Variants in PLCB4 observed in about 807,000 individuals in gnomAD.
PLCB4 encodes phospholipase C beta 4, also known as 1-phosphatidylinositol 4,5-bisphosphate phosphodiesterase beta-4.
Under a neutral mutation model 178.8 loss-of-function variants are expected in PLCB4, and 77 were observed. The observed-to-expected ratio is 0.43, with a 90% CI of 0.36 to 0.52. The LOEUF is 0.52. PLCB4 is among the 20% of genes least tolerant of loss of function. The pLI, the probability that PLCB4 is intolerant of heterozygous loss-of-function variation, is 0.00. For missense variants in PLCB4, 1,024 were observed against 1,453.4 expected, an observed-to-expected ratio of 0.70 and a Z score of 4.80; for synonymous variants, 496 against 490.8, an observed-to-expected ratio of 1.01 and a Z score of -0.14.
intron 2 of PLCB4, among the ~76,000 whole-genome samples, chr20:9,108,525 A>G (rs1434226395): frequency 6.6e-6 from 1 of 152,102 alleles, no homozygotes; most frequent in African/African-American, 2.4e-5. Context: ...CAAAAGTTGG[A>G]TCAGCACAAC....
At chr20:9,271,116 C>T (rs2094398483) in intron 3 of PLCB4, among the ~76,000 whole-genome samples, 1 of 152,224 alleles carries the variant, frequency 6.6e-6, no homozygotes, top group South Asian at 2.1e-4. Context: ...ATGTAATTTC[C>T]AGCTGTGGAT....
intron 32 of PLCB4, among the ~76,000 whole-genome samples, chr20:9,451,349 T>G (rs573595122): frequency 1.3e-5 from 2 of 152,330 alleles, no homozygotes; most frequent in Non-Finnish European, 1.5e-5. Flanking sequence ...CACTAAAATA[T>G]TTAAAGAAAT....
chr20:9,153,684 G>A (rs1443146787), intron 2 of PLCB4, among the ~76,000 whole-genome samples: 3 of 152,142 alleles, frequency 2.0e-5, no homozygotes, highest in East Asian at 1.9e-4. Context: ...GGAGCCACAA[G>A]GGAAAGTCAA....
chr20:9,424,162 A>G (rs2040835633), intron 28 of PLCB4, among the ~76,000 whole-genome samples: 1 of 152,236 alleles, frequency 6.6e-6, no homozygotes, highest in Non-Finnish European at 1.5e-5. Flanking sequence ...GATGATCTCT[A>G]AAGTCCTTTC....
At chr20:9,411,264 C>T (rs551889677) in intron 25 of PLCB4, among the ~76,000 whole-genome samples, 176 bp downstream of exon 25, 1 of 152,286 alleles carries the variant, frequency 6.6e-6, no homozygotes, top group African/African-American at 2.4e-5. Context: ...TTCATCTACC[C>T]CATTTTACTA....
chr20:9,300,291 T>C (rs1392560279), intron 3 of PLCB4, among the ~76,000 whole-genome samples: 1 of 152,110 alleles, frequency 6.6e-6, no homozygotes, highest in Non-Finnish European at 1.5e-5. Context: ...GGTTATTTGG[T>C]TTAATGGGAT....
At chr20:9,144,781 G>T (rs1189141144) in intron 2 of PLCB4, among the ~76,000 whole-genome samples, 2 of 141,064 alleles carry the variant, frequency 1.4e-5, no homozygotes, top group Non-Finnish European at 3.1e-5. Flanking sequence ...ATGAGGGGGA[G>T]GAGGGGTAGG....
At chr20:9,198,979 A>G (rs1445063740) in intron 2 of PLCB4, among the ~76,000 whole-genome samples, 1 of 152,184 alleles carries the variant, frequency 6.6e-6, no homozygotes, top group African/African-American at 2.4e-5. Context: ...TGAGAGGGAT[A>G]TCACATGGCT....
At chr20:9,453,979 A>G (rs189543924) in intron 33 of PLCB4, among the ~76,000 whole-genome samples, 20 of 152,306 alleles carry the variant, frequency 1.3e-4, no homozygotes, top group Admixed American at 3.9e-4. Context: ...ACATTTTACC[A>G]GTTTTTCCAC....
intron 3 of PLCB4, among the ~76,000 whole-genome samples, chr20:9,284,205 G>A (rs1205721087): frequency 2.0e-5 from 3 of 151,958 alleles, no homozygotes; most frequent in African/African-American, 7.2e-5. Flanking sequence ...TGTTCTGAGT[G>A]GCCAGGAAAA....
chr20:9,336,667 A>G (rs777393394), intron 4 of PLCB4, among the ~76,000 whole-genome samples: 2 of 151,966 alleles, frequency 1.3e-5, no homozygotes, highest in Non-Finnish European at 2.9e-5. Flanking sequence ...TTTACAGGAC[A>G]CCAAATGAGG....
At chr20:9,309,608 A>T (rs906331228) in intron 4 of PLCB4, among the ~76,000 whole-genome samples, 1 of 152,228 alleles carries the variant, frequency 6.6e-6, no homozygotes, top group African/African-American at 2.4e-5. Context: ...GATGTCTAGC[A>T]TCTAAAATGA....
chr20:9,355,077 T>A (rs2034675480), intron 7 of PLCB4, among the ~76,000 whole-genome samples: 1 of 152,156 alleles, frequency 6.6e-6, no homozygotes, highest in African/African-American at 2.4e-5. Flanking sequence ...CCCCAGGTGA[T>A]TCTAATGTAC....
At position 9,339,169 on chromosome 20, in the gene PLCB4, T is replaced by A. The variant is rs1170058906; in HGVS notation, c.369+132T>A. 2.7e-5 allele frequency: 20 copies of A among 745,892 alleles called. No homozygotes were observed. In the East Asian group the frequency reaches 5.3e-4, roughly 20 times the overall value. 46.2% of individuals were successfully genotyped at this position (745,892 alleles called of 1,614,324 possible). On this transcript the variant is annotated intron_variant, in intron 7 of 39. Transcript: ENST00000378473. Reference sequence around the variant, plus strand: ...AAAAGTTAGCATTGCTTTGCTGACATGTTTCTGTAGAAAATCAGCAATTAA... The same window carrying A: ...AAAAGTTAGCATTGCTTTGCTGACAAGTTTCTGTAGAAAATCAGCAATTAA...
chr20:9,349,634 A>G (rs528981201), intron 7 of PLCB4, among the ~76,000 whole-genome samples: 13 of 152,302 alleles, frequency 8.5e-5, no homozygotes, highest in African/African-American at 2.6e-4. Flanking sequence ...GACAGGTTTC[A>G]TAAGAAGAGA....
intron 4 of PLCB4, among the ~76,000 whole-genome samples, chr20:9,308,668 C>A (rs776444685): frequency 3.3e-5 from 5 of 152,174 alleles, no homozygotes; most frequent in African/African-American, 4.8e-5. Flanking sequence ...ATTCGCTGAT[C>A]TTCCCAGAGA....
rs187794237 is a variant in PLCB4, at chr20:9,452,116, T to A, written c.2881-1231T>A. Among the ~76,000 whole-genome samples the A allele has an allele frequency of 1.4e-4, 22 of 152,328 alleles. No individual in the cohort carries two copies. In the East Asian group the frequency reaches 3.7e-3, roughly 25 times the overall value. ...CCACTCCTTCTCCTAAAGACAAGAA[T>A]GCTGAGGCCTTGTGCATGAATGCGT... is the stretch of plus-strand genomic sequence containing the variant. On this transcript the variant is annotated intron_variant, in intron 32 of 39. Coordinates refer to ENST00000378473, the MANE Select transcript of PLCB4 (RefSeq NM_001377142.1).
Position 9,408,704 on chromosome 20 carries a change from A to G in PLCB4, c.1861A>G (p.Ile621Val), listed in dbSNP as rs746910509. Residue 621 changes from isoleucine (I) to valine (V), a missense_variant, in exon 23 of 40, where the codon ATT becomes GTT. Physicochemically the swap from Ile to Val is conservative, Grantham distance 29. Transcript: ENST00000378473. ...TCTTGGCTACTTGAAGACACATGCA[A>G]TTGAATTTGTCAAGTATCCTTATGT... ...VGLGYLKTHA[I>V]EFVNYNKRQM... The G allele has an allele frequency of 7.7e-6, 12 of 1,559,884 alleles. No homozygotes were observed. Among genetic ancestry groups the G allele is most frequent in the Admixed American group, 1.7e-5 (1 of 59,936 alleles).
intron 1 of PLCB4, among the ~76,000 whole-genome samples, chr20:9,089,363 A>G (rs1370763687): frequency 6.6e-6 from 1 of 152,100 alleles, no homozygotes; most frequent in East Asian, 1.9e-4. Flanking sequence ...ATATGTGATT[A>G]TGTAAAAAAT....
Sources: gnomAD v4.1 joint callset for allele counts (sites outside exome capture counted in the v4.1 genomes callset) on GRCh38, gnomAD v4.1.1 for gene constraint, MANE v1.5 for transcripts, NCBI Gene and HGNC (gene_info 2026-07-23, HGNC 2026-07-21) for gene names.